The following DNAH11 variants were observed in gnomAD, a reference collection of about 807,000 sequenced individuals.
The protein encoded by DNAH11 is dynein axonemal heavy chain 11, also known as axonemal beta dynein heavy chain 11.
DNAH11 carries 442 observed loss-of-function variants against 526.0 expected under a neutral mutation model. The ratio of observed to expected loss-of-function variants is 0.84; its 90% confidence interval spans 0.78 to 0.91. The LOEUF is 0.91. Among genes scored for constraint, DNAH11 ranks in the 40% least tolerant of loss-of-function variants. The pLI, the probability that DNAH11 is intolerant of heterozygous loss-of-function variation, is 0.00. For missense variants in DNAH11, 6,989 were observed against 5,448.7 expected (o/e 1.28, Z -8.90); for synonymous variants, 2,461 against 1,935.9 (o/e 1.27, Z -7.12).
At chr7:21,899,747 CCA>C (rs1784680202) in intron 80 of DNAH11, among the ~76,000 whole-genome samples, 1 of 152,148 alleles carries the variant, frequency 6.6e-6, no homozygotes, top group Non-Finnish European at 1.5e-5. Context: ...AGTGCGAAAA[CCA>C]CAGACAATCC....
At chr7:21,780,453 C>G (rs762369901) in intron 57 of DNAH11, among the ~76,000 whole-genome samples, 1 of 152,118 alleles carries the variant, frequency 6.6e-6, no homozygotes, top group African/African-American at 2.4e-5. Flanking sequence ...ATACAGTCAC[C>G]GTTAGCTAAT....
At chr7:21,773,660 T>C in intron 55 of DNAH11, 106 bp from the exon 56 acceptor site, 1 of 881,306 alleles carries the variant, frequency 1.1e-6, no homozygotes, top group South Asian at 2.3e-5. Context: ...TACTATCATT[T>C]TTTTTTCTGA....
intron 14 of DNAH11, among the ~76,000 whole-genome samples, chr7:21,597,830 A>G (rs1187694178): frequency 1.3e-5 from 2 of 152,184 alleles, no homozygotes; most frequent in Non-Finnish European, 2.9e-5. Flanking sequence ...ATTTTTCTTC[A>G]GCTGTAAGAT....
intron 61 of DNAH11, among the ~76,000 whole-genome samples, chr7:21,797,425 G>C (rs1354019070): frequency 6.6e-6 from 1 of 151,598 alleles, no homozygotes; most frequent in Non-Finnish European, 1.5e-5. Context: ...CTCTATGTTG[G>C]TCAGGCTGGT....
rs780093266 is a variant in DNAH11, at chr7:21,864,617, C to A, written c.11456C>A (p.Pro3819His). ...RFTVEHTHLS[P>H]VDFLTSQSWS... is the part of the protein sequence containing the mutation. ...ACAGTTGAACACACTCATCTGAGTC[C>A]CGTTGACTTCCTAACTTCTCAGTCA... The change falls in exon 70 of 82, where the codon CCC (proline) becomes CAC (histidine). Residue 3819 changes from proline (P) to histidine (H), a missense_variant. Physicochemically the swap from Pro to His is moderately conservative, Grantham distance 77. Transcript: ENST00000409508. 8 of 1,608,192 alleles carry A rather than the reference C, an allele frequency of 5.0e-6. No homozygotes were observed. Among genetic ancestry groups the A allele is most frequent in the Non-Finnish European group, 6.8e-6 (8 of 1,177,208 alleles).
intron 20 of DNAH11, among the ~76,000 whole-genome samples, chr7:21,614,274 CCTT>C (rs767199183): frequency 1.3e-5 from 2 of 152,104 alleles, no homozygotes; most frequent in Non-Finnish European, 2.9e-5. Context: ...AAAGTCAAAT[CCTT>C]CTTTTGCAAA....
chr7:21,868,178 G>A (rs2128035200), intron 72 of DNAH11, among the ~76,000 whole-genome samples, 171 bp downstream of exon 72: 1 of 149,350 alleles, frequency 6.7e-6, no homozygotes, highest in African/African-American at 2.5e-5. Flanking sequence ...ATAGTCTGAA[G>A]AAATGTTGAA....
chr7:21,701,997 G>A (rs1428145321), intron 36 of DNAH11, among the ~76,000 whole-genome samples: 1 of 152,120 alleles, frequency 6.6e-6, no homozygotes, highest in Non-Finnish European at 1.5e-5. Flanking sequence ...ACCGTGCAAT[G>A]TGCTAGCCCC....
chr7:21,543,938 T>A (rs183753956), intron 1 of DNAH11, among the ~76,000 whole-genome samples: 29 of 152,286 alleles, frequency 1.9e-4, no homozygotes, highest in Non-Finnish European at 3.5e-4. Flanking sequence ...TGCGTTTCAG[T>A]TGCTCTTGGG....
Position 21,659,955 on chromosome 7 carries a change from G to A in DNAH11, c.5328+924G>A, listed in dbSNP as rs560190980. ...CACCCAACTTATTTATATTACTAAA[G>A]AAGTGTTTGTACCACTTACTTTTGG... On this transcript the variant is annotated intron_variant, in intron 30 of 81. Transcript: ENST00000409508. Among the ~76,000 whole-genome samples, 7 of 152,174 alleles carry A rather than the reference G, an allele frequency of 4.6e-5. No individual in the cohort carries two copies. The South Asian group carries it at 1.5e-3, about 32-fold the overall frequency.
intron 8 of DNAH11, among the ~76,000 whole-genome samples, chr7:21,578,092 C>CAG (rs1179308976): frequency 6.6e-6 from 1 of 152,060 alleles, no homozygotes; most frequent in Non-Finnish European, 1.5e-5. Flanking sequence ...ACATAGTGTT[C>CAG]AGAGAGAGAG....
intron 22 of DNAH11, among the ~76,000 whole-genome samples, chr7:21,616,577 G>A (rs1785793839): frequency 6.6e-6 from 1 of 152,038 alleles, no homozygotes; most frequent in East Asian, 1.9e-4. Flanking sequence ...ACATTATCAG[G>A]GCCAAGGGGT....
At chr7:21,556,262 C>G (rs914185329) in intron 2 of DNAH11, among the ~76,000 whole-genome samples, 7 of 152,178 alleles carry the variant, frequency 4.6e-5, no homozygotes, top group African/African-American at 7.2e-5. Context: ...GGTGCATGAG[C>G]TGTGCGATTT....
At chr7:21,595,657 T>C (rs1490120758) in intron 14 of DNAH11, among the ~76,000 whole-genome samples, 4 of 152,112 alleles carry the variant, frequency 2.6e-5, no homozygotes. Context: ...ATTTTGAATT[T>C]GAGGTGTTAA....
intron 63 of DNAH11, among the ~76,000 whole-genome samples, chr7:21,812,093 A>G (rs1033361443): frequency 1.3e-5 from 2 of 152,184 alleles, no homozygotes; most frequent in Admixed American, 6.5e-5. Flanking sequence ...AAGGAAATAC[A>G]GTGCTTTAAC....
intron 76 of DNAH11, among the ~76,000 whole-genome samples, chr7:21,887,324 T>A (rs1194535206): frequency 6.6e-6 from 1 of 152,180 alleles, no homozygotes; most frequent in Non-Finnish European, 1.5e-5. Flanking sequence ...AAAGAAAACA[T>A]CTTCTCACAT....
chr7:21,624,358 A>C lies in DNAH11; in HGVS notation c.4500+4280A>C, dbSNP rs191825003. 6.0e-3 allele frequency among the ~76,000 whole-genome samples: 917 copies of C among 152,044 alleles called. 12 individuals carry two copies. Among genetic ancestry groups the C allele is most frequent in the African/African-American group, 0.021 (857 of 41,484 alleles). ...GGATTGATTTCTTAATTTCTTTTTC[A>C]GATAGTTTGTTGTTAGTATAAAAGA... On this transcript the variant is annotated intron_variant, in intron 25 of 81. Transcript: ENST00000409508.
At chr7:21,861,087 A>T (rs1783046926) in intron 68 of DNAH11, among the ~76,000 whole-genome samples, 1 of 152,200 alleles carries the variant, frequency 6.6e-6, no homozygotes, top group African/African-American at 2.4e-5. Flanking sequence ...CACATCAGTG[A>T]GGTACCTATA....
intron 30 of DNAH11, among the ~76,000 whole-genome samples, chr7:21,672,324 T>C (rs1782671242): frequency 6.6e-6 from 1 of 152,182 alleles, no homozygotes; most frequent in Non-Finnish European, 1.5e-5. Flanking sequence ...CTCGCTCTAT[T>C]GTCCAGGCTA....
Sources: gnomAD v4.1 joint callset for allele counts (sites outside exome capture counted in the v4.1 genomes callset) on GRCh38, gnomAD v4.1.1 for gene constraint, MANE v1.5 for transcripts, NCBI Gene and HGNC (gene_info 2026-07-23, HGNC 2026-07-21) for gene names.